ITGAM: variants seen among roughly 807,000 people sequenced by gnomAD.
ITGAM encodes integrin alpha-M.
ITGAM carries 79 observed loss-of-function variants against 137.5 expected under a neutral mutation model. That is an observed-to-expected ratio of 0.57 (90% CI 0.48 to 0.69). ITGAM has a LOEUF of 0.69. Ranked by LOEUF, ITGAM falls within the 30% of genes least tolerant of loss-of-function variation. The pLI, the probability that ITGAM is intolerant of heterozygous loss-of-function variation, is 0.00. For missense variants in ITGAM, 1,343 were observed against 1,483.5 expected, an observed-to-expected ratio of 0.91 and a Z score of 1.56; for synonymous variants, 583 against 592.3, an observed-to-expected ratio of 0.98 and a Z score of 0.23.
At chr16:31,325,174 C>A in intron 19 of ITGAM, 89 bp from the exon 20 acceptor site, 1 of 1,515,228 alleles carries the variant, frequency 6.6e-7, no homozygotes, top group Non-Finnish European at 8.9e-7. Context: ...GTCTCTTCAT[C>A]AAGTGTCTGC....
chr16:31,262,326 C>A (rs1279032619), intron 2 of ITGAM, among the ~76,000 whole-genome samples: 1 of 139,252 alleles, frequency 7.2e-6, no homozygotes, highest in African/African-American at 2.8e-5. Context: ...TCCCTCCCTT[C>A]CCTCCCTTCC....
intron 22 of ITGAM, 133 bp from the exon 23 acceptor site, chr16:31,328,014 A>G: frequency 1.4e-6 from 1 of 713,110 alleles, no homozygotes. Flanking sequence ...CAGGGGTTGG[A>G]GAACAGTGGG....
In ITGAM at chr16:31,321,388, G is replaced by T; in HGVS notation, c.1838+17G>T. ...GCTGCTCAGGTGAGAATGCCTTTTG[G>T]AGTCAACCGGACATTCTCCCTTGAA... On this transcript the variant is annotated intron_variant, in intron 15 of 29. Transcript: ENST00000544665. The T allele has an allele frequency of 6.2e-7, 1 of 1,613,918 alleles. No individual in the cohort carries two copies. The highest frequency in any genetic ancestry group is 8.5e-7 in the Non-Finnish European group (1 of 1,179,844).
intron 14 of ITGAM, among the ~76,000 whole-genome samples, chr16:31,319,408 G>A (rs2080424621): frequency 1.3e-5 from 2 of 152,154 alleles, no homozygotes; most frequent in East Asian, 1.9e-4. Context: ...TGGTGAAATG[G>A]CCATTTCATC....
intron 23 of ITGAM, among the ~76,000 whole-genome samples, chr16:31,328,632 T>C (rs369898924): frequency 6.7e-6 from 1 of 149,450 alleles, no homozygotes; most frequent in Non-Finnish European, 1.5e-5. Flanking sequence ...TGGGCATGGG[T>C]GTGTGTGCAT....
In ITGAM at chr16:31,331,983, CCATGTGTGTG is replaced by C; in HGVS notation, c.*279_*288del. Reference sequence around the variant, plus strand: ...TGTGTCCAAGTGTGTGTGCGTGTGTCCATGTGTGTGCAAGTGTGTGCATGTGTGCGAGTGT... The same window carrying C: ...TGTGTCCAAGTGTGTGTGCGTGTGTCCAAGTGTGTGCATGTGTGCGAGTGT... On this transcript the variant is annotated 3_prime_UTR_variant, in exon 30 of 30. Coordinates refer to ENST00000544665, the MANE Select transcript of ITGAM (RefSeq NM_000632.4). 2 of 494,934 alleles carry C rather than the reference CCATGTGTGTG, an allele frequency of 4.0e-6. No individual in the cohort carries two copies. Among genetic ancestry groups the C allele is most frequent in the Non-Finnish European group, 7.2e-6 (2 of 277,666 alleles). The allele number at this position is 494,934 out of a possible 1,614,324, so 30.7% of individuals were successfully genotyped here.
At chr16:31,280,892 A>T (rs1302598268) in intron 12 of ITGAM, among the ~76,000 whole-genome samples, 1 of 152,172 alleles carries the variant, frequency 6.6e-6, no homozygotes, top group Non-Finnish European at 1.5e-5. Flanking sequence ...GATACGTCCC[A>T]TCAATACCTA....
chr16:31,277,150 A>G (rs2079916337), intron 11 of ITGAM, 101 bp downstream of exon 11: 1 of 1,002,778 alleles, frequency 1.0e-6, no homozygotes, highest in African/African-American at 1.6e-5. Context: ...ATACATATGT[A>G]TGGGATACTA....
In ITGAM at chr16:31,330,530, G is replaced by A. The variant is rs1045844730; in HGVS notation, c.3201G>A (p.Val1067=). 6.2e-7 allele frequency: 1 copy of A among 1,613,624 alleles called. No homozygotes were observed. Among genetic ancestry groups the A allele is most frequent in the Non-Finnish European group, 8.5e-7 (1 of 1,179,680 alleles). Residue 1067 remains valine (V), a synonymous_variant, in exon 28 of 30, where the codon GTG becomes GTA. Coordinates refer to ENST00000544665, the MANE Select transcript of ITGAM (RefSeq NM_000632.4). ...IKTSHNHLLI[V]STAEILFNDS... ...CCTCGCATAACCACCTCCTGATCGTGAGCACAGCTGAGATCTTGTTTAACG... is the reference window on the plus strand; with the variant it reads ...CCTCGCATAACCACCTCCTGATCGTAAGCACAGCTGAGATCTTGTTTAACG...
At chr16:31,299,014 C>G (rs2080167904) in intron 14 of ITGAM, among the ~76,000 whole-genome samples, 1 of 152,122 alleles carries the variant, frequency 6.6e-6, no homozygotes, top group African/African-American at 2.4e-5. Context: ...CACCTGAGAC[C>G]ATCTAGTTTT....
chr16:31,274,317 AAAAG>A (rs1247590790), intron 8 of ITGAM, among the ~76,000 whole-genome samples: 1 of 152,214 alleles, frequency 6.6e-6, no homozygotes, highest in Non-Finnish European at 1.5e-5. Flanking sequence ...CATCAGAAGA[AAAAG>A]AAAGAGGAGA....
intron 23 of ITGAM, chr16:31,328,922 ATGTGCATGTATG>A (rs895566621): frequency 1.2e-4 from 57 of 478,638 alleles, no homozygotes; most frequent in Admixed American, 2.9e-4. Flanking sequence ...CTGAGGATCT[ATGTGCATGTATG>A]TGTGCATGGG....
chr16:31,320,764 C>A (rs908169963), intron 14 of ITGAM, among the ~76,000 whole-genome samples: 3 of 152,154 alleles, frequency 2.0e-5, no homozygotes, highest in African/African-American at 7.2e-5. Flanking sequence ...TTTATGTGAT[C>A]ATTTTGTTTA....
At chr16:31,328,106 C>T (rs1205649823) in intron 22 of ITGAM, 41 bp from the exon 23 acceptor site, 6 of 1,472,960 alleles carry the variant, frequency 4.1e-6, no homozygotes, top group Non-Finnish European at 5.7e-6. Context: ...GACTAACTGT[C>T]AGTTCTCAAG....
chr16:31,270,699 G>GTGTATATATATATATATA (rs1477833816), intron 5 of ITGAM, among the ~76,000 whole-genome samples: 2 of 26,000 alleles, frequency 7.7e-5, no homozygotes, highest in Non-Finnish European at 1.6e-4. Context: ...GTGTGTGTGT[G>GTGTATATATATATATATA]TATATATATA....
At chr16:31,328,075 T>G (rs1597041581) in intron 22 of ITGAM, 72 bp from the exon 23 acceptor site, 1 of 1,145,970 alleles carries the variant, frequency 8.7e-7, no homozygotes, top group Non-Finnish European at 1.3e-6. Flanking sequence ...AGGCAGGGAG[T>G]GAGGGAGAGG....
At chr16:31,318,067 G>T (rs2080409986) in intron 14 of ITGAM, among the ~76,000 whole-genome samples, 1 of 152,096 alleles carries the variant, frequency 6.6e-6, no homozygotes, top group Non-Finnish European at 1.5e-5. Flanking sequence ...TTGTTAGGAG[G>T]TCTTTGATTA....
chr16:31,261,838 C>T lies in ITGAM; in HGVS notation c.134+41C>T, dbSNP rs766651312. 2.0e-5 allele frequency: 26 copies of T among 1,301,806 alleles called. No individual in the cohort carries two copies. The South Asian group carries it at 3.1e-4, about 15-fold the overall frequency. 80.6% of individuals were successfully genotyped at this position (1,301,806 alleles called of 1,614,324 possible). On this transcript the variant is annotated intron_variant, in intron 2 of 29. Transcript: ENST00000544665. ...GGAGCCCCCTTTCTCAGTGCTTTCT[C>T]TCCAAGACTTACATACCTGAAAAAA... is the stretch of plus-strand genomic sequence containing the variant.
intron 14 of ITGAM, among the ~76,000 whole-genome samples, chr16:31,313,341 C>A (rs894439126): frequency 1.3e-5 from 2 of 151,630 alleles, no homozygotes; most frequent in African/African-American, 4.8e-5. Flanking sequence ...TTTTAAGCCT[C>A]ACATGCATTA....
Sources: allele counts gnomAD v4.1 joint callset (sites outside exome capture counted in the v4.1 genomes callset), GRCh38; gene constraint gnomAD v4.1.1; transcripts MANE v1.5; gene names NCBI Gene and HGNC (gene_info 2026-07-23, HGNC 2026-07-21).